SLITRK1: variants seen among roughly 807,000 people sequenced by gnomAD.
The protein encoded by SLITRK1 is SLIT and NTRK like family member 1.
Under a neutral mutation model 42.4 loss-of-function variants are expected in SLITRK1, and 10 were observed. The observed-to-expected ratio is 0.24, with a 90% CI of 0.15 to 0.40. The LOEUF is 0.40. Ranked by LOEUF, SLITRK1 falls within the 10% of genes least tolerant of loss-of-function variation. The pLI is 1.00. For missense variants in SLITRK1, 778 were observed against 848.8 expected, an observed-to-expected ratio of 0.92 and a Z score of 1.04; for synonymous variants, 389 against 365.7, an observed-to-expected ratio of 1.06 and a Z score of -0.73.
chr13:83,877,591 A>G lies in SLITRK1; in HGVS notation c.*1826T>C, dbSNP rs1283140134. ...TGTTAATTGCTGGGCCACAACCAGA[A>G]ATCCGGATGATGGGAGAGAAACACT... is the stretch of plus-strand genomic sequence containing the variant. On this transcript the variant is annotated 3_prime_UTR_variant, in exon 2 of 2. Coordinates refer to ENST00000674365, the MANE Select transcript of SLITRK1 (RefSeq NM_001281503.2). 6.6e-6 allele frequency: 1 copy of G among 150,952 alleles called. No homozygotes were observed. Among genetic ancestry groups the G allele is most frequent in the Non-Finnish European group, 1.5e-5 (1 of 67,768 alleles). 9.4% of individuals were successfully genotyped at this position (150,952 alleles called of 1,614,324 possible).
In SLITRK1 at chr13:83,880,297, A is replaced by G; in HGVS notation, c.1211T>C (p.Leu404Ser). 1 of 1,614,050 alleles carries G rather than the reference A, an allele frequency of 6.2e-7. No homozygotes were observed. The highest frequency in any genetic ancestry group is 8.5e-7 in the Non-Finnish European group (1 of 1,180,030). ...HFVDYKNLIL[L>S]DLGNNNIATV... The stretch of plus-strand genomic sequence containing the variant: ...AGCGATGTTATTGTTGCCCAGATCC[A>G]ACAGAATGAGGTTCTTGTAATCCAC... Residue 404 changes from leucine to serine, a missense_variant, in exon 2 of 2, where the codon TTG (leucine) becomes TCG (serine). Transcript: ENST00000674365.
In SLITRK1 at chr13:83,879,178, C is replaced by A. The variant is rs942180014; in HGVS notation, c.*239G>T. 2 of 552,466 alleles carry A rather than the reference C, an allele frequency of 3.6e-6. No individual in the cohort carries two copies. Among genetic ancestry groups the A allele is most frequent in the East Asian group, 6.4e-5 (2 of 31,378 alleles). The allele number at this position is 552,466 out of a possible 1,614,324, so 34.2% of individuals were successfully genotyped here. A position where few individuals can be genotyped will look rare whatever the true frequency, so the allele number is the denominator to read the frequency against. ...GCTTTCTGTCAAAAGGGGCTCTCAG[C>A]AAAGAGCGAGCTGGCTGCGCTCTCC... On this transcript the variant is annotated 3_prime_UTR_variant, in exon 2 of 2. Transcript: ENST00000674365.
chr13:83,880,020 G>C lies in SLITRK1; in HGVS notation c.1488C>G (p.Leu496=). ...LPVDVFAGVS[L]SKLSLHNNYF... is the part of the protein sequence containing the mutation. Reference sequence around the variant, plus strand: ...AATTGTTGTGCAGGCTGAGTTTAGAGAGCGAGACCCCAGCGAACACGTCCA... The same window carrying C: ...AATTGTTGTGCAGGCTGAGTTTAGACAGCGAGACCCCAGCGAACACGTCCA... The change falls in exon 2 of 2, where the codon CTC becomes CTG. Residue 496 remains leucine (L), a synonymous_variant. Transcript: ENST00000674365. 6.2e-7 allele frequency: 1 copy of C among 1,614,078 alleles called. No homozygotes were observed. The highest frequency in any genetic ancestry group is 1.1e-5 in the South Asian group (1 of 91,062).
In SLITRK1 at chr13:83,880,767, C is replaced by A. The variant is rs553796262; in HGVS notation, c.741G>T (p.Leu247=). ...TGGTTTCATTGAGGTCTTTACCCTG[C>A]AGTCTGGTGGGGGCTTCGCAGACCA... is the stretch of plus-strand genomic sequence containing the variant. ...GRVVCEAPTR[L]QGKDLNETTE... Residue 247 remains leucine, a synonymous_variant, in exon 2 of 2, where the codon CTG becomes CTT. Transcript: ENST00000674365. The A allele has an allele frequency of 2.0e-5, 32 of 1,614,034 alleles. No homozygotes were observed. The Admixed American group carries it at 2.2e-4, about 11-fold the overall frequency.
In SLITRK1 at chr13:83,879,348, C is replaced by T. The variant is rs1594117143; in HGVS notation, c.*69G>A. 6.3e-7 allele frequency: 1 copy of T among 1,594,872 alleles called. No individual in the cohort carries two copies. Among genetic ancestry groups the T allele is most frequent in the Non-Finnish European group, 8.5e-7 (1 of 1,173,034 alleles). On this transcript the variant is annotated 3_prime_UTR_variant, in exon 2 of 2. Coordinates refer to ENST00000674365, the MANE Select transcript of SLITRK1 (RefSeq NM_001281503.2). Reference sequence around the variant, plus strand: ...GGATTTGGGTACACGCCCCTCCAGCCCCCGGGGTGCCTGCGGTGGGGAAGG... The same window carrying T: ...GGATTTGGGTACACGCCCCTCCAGCTCCCGGGGTGCCTGCGGTGGGGAAGG...
At position 83,880,698 on chromosome 13, in the gene SLITRK1, A is replaced by T. The variant is rs762652788; in HGVS notation, c.810T>A (p.Ser270Arg). The T allele has an allele frequency of 6.2e-7, 1 of 1,613,946 alleles. No individual in the cohort carries two copies. The highest frequency in any genetic ancestry group is 8.5e-7 in the Non-Finnish European group (1 of 1,180,014). ...LCPLKNRVDS[S>R]LPAPPAQEET... ...CTTCTTGGGCAGGGGGCGCCGGGAG[A>T]CTAGAATCCACTCGGTTTTTCAAAG... The change falls in exon 2 of 2, where the codon AGT becomes AGA. Residue 270 changes from serine to arginine, a missense_variant. By Grantham distance (110) the Ser-to-Arg change is moderately radical. This residue lies in a region of SLITRK1 where 395 missense variants were observed against 360.4 expected (regional missense o/e 1.10). Coordinates refer to ENST00000674365, the MANE Select transcript of SLITRK1 (RefSeq NM_001281503.2).
In SLITRK1 at chr13:83,881,045, T is replaced by C. The variant is rs1317666288; in HGVS notation, c.463A>G (p.Lys155Glu). 1 of 1,614,056 alleles carries C rather than the reference T, an allele frequency of 6.2e-7. No homozygotes were observed. Reference sequence around the variant, plus strand: ...TCATTTAAAATGAGCACCTCCAGCTTGTTCAAGTCCTGGAAGGCCCCCGGG... The same window carrying C: ...TCATTTAAAATGAGCACCTCCAGCTCGTTCAAGTCCTGGAAGGCCCCCGGG... Reference protein sequence around the residue: ...IDPGAFQDLNKLEVLILNDNL... With the variant: ...IDPGAFQDLNELEVLILNDNL... The change falls in exon 2 of 2, where the codon AAG (lysine) becomes GAG (glutamate). Residue 155 changes from lysine (K) to glutamate (E), a missense_variant. Physicochemically the swap from Lys to Glu is moderately conservative, Grantham distance 56. This residue lies in a region of SLITRK1 where 204 missense variants were observed against 295.3 expected (regional missense o/e 0.69). Coordinates refer to ENST00000674365, the MANE Select transcript of SLITRK1 (RefSeq NM_001281503.2).
At chr13:83,881,746 G>GAAAA in intron 1 of SLITRK1, 186 bp from the exon 2 acceptor site, 1 of 95,238 alleles carries the variant, frequency 1.0e-5, no homozygotes, top group African/African-American at 5.8e-5. Context: ...TGCAAGGCAA[G>GAAAA]CAAAGAAAAA....
Position 83,881,430 on chromosome 13 carries a change from C to A in SLITRK1, c.78G>T (p.Glu26Asp), listed in dbSNP as rs1884811761. Residue 26 changes from glutamate to aspartate, a missense_variant, in exon 2 of 2, where the codon GAG becomes GAT. Physicochemically the swap from Glu to Asp is conservative, Grantham distance 45. Around this residue, in one of 4 missense-constraint regions of SLITRK1, gnomAD observed 204 missense variants for 295.3 expected, o/e 0.69. Transcript: ENST00000674365. Reference protein sequence around the residue: ...AGNVTGDVCKEKICSCNEIEG... With the variant: ...AGNVTGDVCKDKICSCNEIEG... ...CTATCTCATTGCAGGAACAGATCTT[C>A]TCTTTGCAAACGTCCCCTGTAACGT... is the stretch of plus-strand genomic sequence containing the variant. 1 of 1,614,006 alleles carries A rather than the reference C, an allele frequency of 6.2e-7. No individual in the cohort carries two copies. The highest frequency in any genetic ancestry group is 1.6e-4 in the Middle Eastern group (1 of 6,062).
chr13:83,880,975 G>C lies in SLITRK1; in HGVS notation c.533C>G (p.Pro178Arg). The C allele has an allele frequency of 6.2e-7, 1 of 1,613,972 alleles. No homozygotes were observed. Among genetic ancestry groups the C allele is most frequent in the Non-Finnish European group, 8.5e-7 (1 of 1,180,010 alleles). The change falls in exon 2 of 2, where the codon CCC becomes CGC. Residue 178 changes from proline to arginine, a missense_variant. Physicochemically the swap from Pro to Arg is moderately radical, Grantham distance 103. Transcript: ENST00000674365. ...TLPANVFQYV[P>R]ITHLDLRGNR... ...ACCCCGGAGGTCGAGGTGGGTGATGGGCACATACTGGAACACGTTGGCAGG... is the reference window on the plus strand; with the variant it reads ...ACCCCGGAGGTCGAGGTGGGTGATGCGCACATACTGGAACACGTTGGCAGG...
rs1260751508 is a variant in SLITRK1, at chr13:83,878,573, C to T, written c.*844G>A. The T allele has an allele frequency of 5.3e-5, 8 of 152,286 alleles. No individual in the cohort carries two copies. Among genetic ancestry groups the T allele is most frequent in the Non-Finnish European group, 8.8e-5 (6 of 67,996 alleles). The allele number at this position is 152,286 out of a possible 1,614,324, so 9.4% of individuals were successfully genotyped here. A position where few individuals can be genotyped will look rare whatever the true frequency, so the allele number is the denominator to read the frequency against. The stretch of plus-strand genomic sequence containing the variant: ...AAAAATAAAATAAAATAAAACATCA[C>T]CATCAAAATAAAAGAACCCAAAACA... On this transcript the variant is annotated 3_prime_UTR_variant, in exon 2 of 2. Coordinates refer to ENST00000674365, the MANE Select transcript of SLITRK1 (RefSeq NM_001281503.2).
chr13:83,880,938 T>C lies in SLITRK1; in HGVS notation c.570A>G (p.Lys190=). 6.2e-7 allele frequency: 1 copy of C among 1,614,094 alleles called. No homozygotes were observed. The highest frequency in any genetic ancestry group is 1.1e-5 in the South Asian group (1 of 91,060). The change falls in exon 2 of 2, where the codon AAA becomes AAG. Residue 190 remains lysine, a synonymous_variant. Transcript: ENST00000674365. ...CCAAGACCTCCTCATAGGGCAGCGT[T>C]TTCAGCCTGTTACCCCGGAGGTCGA... The part of the protein sequence containing the change: ...THLDLRGNRL[K]TLPYEEVLEQ...
In SLITRK1 at chr13:83,881,061, G is replaced by A. The variant is rs778556094; in HGVS notation, c.447C>T (p.Ala149=). 2 of 1,613,906 alleles carry A rather than the reference G, an allele frequency of 1.2e-6. No individual in the cohort carries two copies. Among genetic ancestry groups the A allele is most frequent in the Non-Finnish European group, 1.7e-6 (2 of 1,180,028 alleles). Reference sequence around the variant, plus strand: ...CCTCCAGCTTGTTCAAGTCCTGGAAGGCCCCCGGGTCTATATCTCGTAATA... The same window carrying A: ...CCTCCAGCTTGTTCAAGTCCTGGAAAGCCCCCGGGTCTATATCTCGTAATA... ...FNLLRDIDPG[A]FQDLNKLEVL... Residue 149 remains alanine, a synonymous_variant, in exon 2 of 2, where the codon GCC becomes GCT. Coordinates refer to ENST00000674365, the MANE Select transcript of SLITRK1 (RefSeq NM_001281503.2).
Position 83,880,080 on chromosome 13 carries a change from G to A in SLITRK1, c.1428C>T (p.Leu476=), listed in dbSNP as rs142639256. The stretch of plus-strand genomic sequence containing the variant: ...ACCTCAGCAGGTTGTTGTTGAGAAT[G>A]AGGATCCTCAGTTTGGGCATGGCAT... ...TFNAMPKLRI[L]ILNNNLLRSL... is the part of the protein sequence containing the mutation. The change falls in exon 2 of 2, where the codon CTC becomes CTT. Residue 476 remains leucine, a synonymous_variant. Coordinates refer to ENST00000674365, the MANE Select transcript of SLITRK1 (RefSeq NM_001281503.2). The A allele has an allele frequency of 8.1e-6, 13 of 1,613,944 alleles. No homozygotes were observed. Among genetic ancestry groups the A allele is most frequent in the Admixed American group, 1.7e-5 (1 of 59,982 alleles).
At chr13:83,881,690 C>A in intron 1 of SLITRK1, 130 bp from the exon 2 acceptor site, 1 of 578,866 alleles carries the variant, frequency 1.7e-6, no homozygotes, top group Non-Finnish European at 3.0e-6. Context: ...TGCAATAGCC[C>A]AGACGCCAGT....
In SLITRK1 at chr13:83,880,901, C is replaced by T; in HGVS notation, c.607G>A (p.Gly203Ser). 1 of 1,614,008 alleles carries T rather than the reference C, an allele frequency of 6.2e-7. No homozygotes were observed. The highest frequency in any genetic ancestry group is 1.1e-5 in the South Asian group (1 of 91,062). The change falls in exon 2 of 2, where the codon GGT (glycine) becomes AGT (serine). Residue 203 changes from glycine to serine, a missense_variant. This residue lies in a region of SLITRK1 where 204 missense variants were observed against 295.3 expected (regional missense o/e 0.69). Coordinates refer to ENST00000674365, the MANE Select transcript of SLITRK1 (RefSeq NM_001281503.2). ...PYEEVLEQIP[G>S]IAEILLEDNP... Reference sequence around the variant, plus strand: ...TCCTCTAGCAGGATCTCCGCAATACCAGGGATTTGCTCCAAGACCTCCTCA... The same window carrying T: ...TCCTCTAGCAGGATCTCCGCAATACTAGGGATTTGCTCCAAGACCTCCTCA...
rs150664551 is a variant in SLITRK1, at chr13:83,879,531, G to T, written c.1977C>A (p.Ser659=). Residue 659 remains serine, a synonymous_variant, in exon 2 of 2, where the codon TCC becomes TCA. Transcript: ENST00000674365. ...SKRRDANSSA[S]EINSLQTVCD... The stretch of plus-strand genomic sequence containing the variant: ...AGACTGTCTGTAGGGAATTAATCTC[G>T]GACGCGGAGGAGTTGGCATCTCGTC... The T allele has an allele frequency of 4.3e-6, 7 of 1,614,036 alleles. No homozygotes were observed. The highest frequency in any genetic ancestry group is 3.3e-5 in the Admixed American group (2 of 60,012).
Position 83,878,396 on chromosome 13 carries a change from A to C in SLITRK1, c.*1021T>G, listed in dbSNP as rs935132110. ...ATTGCTACCATAGGATCGCAGCCTA[A>C]GCACTAGAGTGACATTAATTGGTCA... On this transcript the variant is annotated 3_prime_UTR_variant, in exon 2 of 2. Transcript: ENST00000674365. The C allele has an allele frequency of 6.6e-6, 1 of 152,596 alleles. No homozygotes were observed. Among genetic ancestry groups the C allele is most frequent in the Non-Finnish European group, 1.5e-5 (1 of 68,038 alleles). 9.5% of individuals were successfully genotyped at this position (152,596 alleles called of 1,614,324 possible).
Position 83,879,727 on chromosome 13 carries a change from T to C in SLITRK1, c.1781A>G (p.Lys594Arg), listed in dbSNP as rs531313267. 6.2e-7 allele frequency: 1 copy of C among 1,613,926 alleles called. No individual in the cohort carries two copies. Among genetic ancestry groups the C allele is most frequent in the East Asian group, 2.2e-5 (1 of 44,844 alleles). Reference sequence around the variant, plus strand: ...GGTCTCCGCCAACCCAGTGCTGTTTTTACTGTGCGAAGTTAACGTGGGCGA... The same window carrying C: ...GGTCTCCGCCAACCCAGTGCTGTTTCTACTGTGCGAAGTTAACGTGGGCGA... Reference protein sequence around the residue: ...RISPTLTSHSKNSTGLAETGT... With the variant: ...RISPTLTSHSRNSTGLAETGT... Residue 594 changes from lysine to arginine, a missense_variant, in exon 2 of 2, where the codon AAA (lysine) becomes AGA (arginine). By Grantham distance (26) the Lys-to-Arg change is conservative. This residue lies in a region of SLITRK1 where 164 missense variants were observed against 158.2 expected (regional missense o/e 1.04). Coordinates refer to ENST00000674365, the MANE Select transcript of SLITRK1 (RefSeq NM_001281503.2).
Sources: allele counts gnomAD v4.1 joint callset, GRCh38; gene constraint gnomAD v4.1.1; regional missense constraint gnomAD v4.1.1; transcripts MANE v1.5; gene names NCBI Gene and HGNC (gene_info 2026-07-23, HGNC 2026-07-21).